DISP3: variants seen among roughly 807,000 people sequenced by gnomAD.
The protein encoded by DISP3 is dispatched RND transporter family member 3, also known as protein dispatched homolog 3.
DISP3 carries 101 observed loss-of-function variants against 135.3 expected under a neutral mutation model. The observed-to-expected ratio is 0.75, with a 90% CI of 0.64 to 0.88. DISP3 has a LOEUF of 0.88. DISP3 is among the 40% of genes least tolerant of loss of function. The pLI, the probability that DISP3 is intolerant of heterozygous loss-of-function variation, is 0.00. For synonymous variants in DISP3, 856 were observed against 817.0 expected, an observed-to-expected ratio of 1.05 and a Z score of -0.81; for missense variants, 1,713 against 1,878.6, an observed-to-expected ratio of 0.91 and a Z score of 1.63.
intron 1 of DISP3, among the ~76,000 whole-genome samples, chr1:11,488,446 A>G (rs1641096150): frequency 6.6e-6 from 1 of 152,162 alleles, no homozygotes. Flanking sequence ...GTCACTCACC[A>G]AGGGAGCCAG....
At position 11,499,999 on chromosome 1, in the gene DISP3, G is replaced by A. The variant is rs533704370; in HGVS notation, c.-3-991G>A. 9.8e-5 allele frequency among the ~76,000 whole-genome samples: 15 copies of A among 152,360 alleles called. No homozygotes were observed. The East Asian group carries it at 1.5e-3, about 16-fold the overall frequency. ...CAGGACAAAGGGGATAGGCCATGCC[G>A]GGGATGCCGGAAAGCCTCCTCTCTT... On this transcript the variant is annotated intron_variant, in intron 1 of 20. Transcript: ENST00000294484. This position sits in a 1 kb window ranked among gnomAD's most constrained non-coding sequence, Gnocchi z 5.2.
In DISP3 at chr1:11,501,708, A is replaced by G; in HGVS notation, c.716A>G (p.His239Arg). The change falls in exon 2 of 21, where the codon CAC becomes CGC. Residue 239 changes from histidine to arginine, a missense_variant. Coordinates refer to ENST00000294484, the MANE Select transcript of DISP3 (RefSeq NM_020780.2). The surrounding 1 kb of genome is among the most constrained non-coding windows in gnomAD (Gnocchi z 4.9). Reference protein sequence around the residue: ...NGRYQPSIPPHAAVAANQSRA... With the variant: ...NGRYQPSIPPRAAVAANQSRA... Reference sequence around the variant, plus strand: ...CGGTACCAGCCCAGCATCCCGCCCCACGCGGCAGTCGCGGCCAATCAGAGC... The same window carrying G: ...CGGTACCAGCCCAGCATCCCGCCCCGCGCGGCAGTCGCGGCCAATCAGAGC... 1.2e-6 allele frequency: 2 copies of G among 1,600,452 alleles called. No homozygotes were observed. The highest frequency in any genetic ancestry group is 2.2e-5 in the South Asian group (2 of 89,710).
At chr1:11,500,177 G>A (rs1214513024) in intron 1 of DISP3, among the ~76,000 whole-genome samples, 3 of 152,224 alleles carry the variant, frequency 2.0e-5, no homozygotes, top group East Asian at 1.9e-4. Flanking sequence ...TAAGTGGCCC[G>A]AGCCTGACAA....
chr1:11,499,751 T>C lies in DISP3; in HGVS notation c.-3-1239T>C, dbSNP rs955254146. 1.3e-5 allele frequency among the ~76,000 whole-genome samples: 2 copies of C among 152,304 alleles called. No individual in the cohort carries two copies. The highest frequency in any genetic ancestry group is 2.9e-5 in the Non-Finnish European group (2 of 68,014). ...TCGGTCTCTCTCCTCTTTTCCTCTG[T>C]CTCTGTCTCTGTTTCCCTCCTTCCG... is the stretch of plus-strand genomic sequence containing the variant. On this transcript the variant is annotated intron_variant, in intron 1 of 20. Coordinates refer to ENST00000294484, the MANE Select transcript of DISP3 (RefSeq NM_020780.2). The surrounding 1 kb of genome is among the most constrained non-coding windows in gnomAD (Gnocchi z 5.2).
In DISP3 at chr1:11,519,692, T is replaced by G; in HGVS notation, c.2039-27T>G. The G allele has an allele frequency of 1.2e-6, 2 of 1,605,326 alleles. No individual in the cohort carries two copies. Among genetic ancestry groups the G allele is most frequent in the Non-Finnish European group, 1.7e-6 (2 of 1,175,268 alleles). Reference sequence around the variant, plus strand: ...CCACAGTGGGCTTTGATTCAGGCTCTGACGGGCCACTGCTCTGCCCTGGCA... The same window carrying G: ...CCACAGTGGGCTTTGATTCAGGCTCGGACGGGCCACTGCTCTGCCCTGGCA... On this transcript the variant is annotated intron_variant, in intron 8 of 20. Coordinates refer to ENST00000294484, the MANE Select transcript of DISP3 (RefSeq NM_020780.2). This position sits in a 1 kb window ranked among gnomAD's most constrained non-coding sequence, Gnocchi z 4.3.
chr1:11,519,906 C>G lies in DISP3; in HGVS notation c.2200+26C>G, dbSNP rs758252646. The G allele has an allele frequency of 1.3e-5, 21 of 1,586,672 alleles. No homozygotes were observed. In the East Asian group the frequency reaches 4.5e-4, roughly 34 times the overall value. The stretch of plus-strand genomic sequence containing the variant: ...GTAAGTGGGCCCTCCGGCCCTGCCC[C>G]CTGTCTCACAGCTCCACCCCCAAAA... On this transcript the variant is annotated intron_variant, in intron 9 of 20. Transcript: ENST00000294484. The surrounding 1 kb of genome is among the most constrained non-coding windows in gnomAD (Gnocchi z 4.3).
At chr1:11,513,023 C>G (rs1248098128) in intron 3 of DISP3, among the ~76,000 whole-genome samples, 2 of 152,086 alleles carry the variant, frequency 1.3e-5, no homozygotes, top group African/African-American at 4.8e-5. Context: ...CAATTACCTC[C>G]CCCTGGGTCC....
At position 11,536,249 on chromosome 1, in the gene DISP3, G is replaced by T. The variant is rs771927381; in HGVS notation, c.3817-75G>T. 41 of 1,518,990 alleles carry T rather than the reference G, an allele frequency of 2.7e-5. No homozygotes were observed. Among genetic ancestry groups the T allele is most frequent in the Admixed American group, 2.5e-4 (13 of 51,658 alleles). The allele number at this position is 1,518,990 out of a possible 1,614,324, so 94.1% of individuals were successfully genotyped here. A position where few individuals can be genotyped will look rare whatever the true frequency, so the allele number is the denominator to read the frequency against. The stretch of plus-strand genomic sequence containing the variant: ...AGCAGGAACCTGGCGTGGGGTGGGG[G>T]TGCGTGATTCCCCAGGTGCTGGCCA... On this transcript the variant is annotated intron_variant, in intron 20 of 20. Transcript: ENST00000294484. The surrounding 1 kb of genome is among the most constrained non-coding windows in gnomAD (Gnocchi z 4.3).
intron 3 of DISP3, among the ~76,000 whole-genome samples, chr1:11,507,433 T>TGAAA (rs1641737238): frequency 6.6e-6 from 1 of 152,236 alleles, no homozygotes; most frequent in African/African-American, 2.4e-5. Context: ...CGAGGCTTTC[T>TGAAA]GCTTAGGTTT....
At chr1:11,525,405 A>G (rs1001153619) in intron 12 of DISP3, 93 bp downstream of exon 12, 62 of 1,411,028 alleles carry the variant, frequency 4.4e-5, no homozygotes, top group Non-Finnish European at 2.2e-5. Context: ...GCCAATAGGG[A>G]GGGAGAAGCA....
At chr1:11,534,678 G>A in intron 18 of DISP3, 138 bp downstream of exon 18, 1 of 1,199,238 alleles carries the variant, frequency 8.3e-7, no homozygotes, top group Non-Finnish European at 1.1e-6. Context: ...ACGGTGGCTG[G>A]GACATTGATC....
Position 11,515,354 on chromosome 1 carries a change from T to C in DISP3, c.1454-15T>C, listed in dbSNP as rs745879022. The C allele has an allele frequency of 2.5e-6, 4 of 1,614,158 alleles. No homozygotes were observed. The highest frequency in any genetic ancestry group is 1.7e-5 in the Admixed American group (1 of 60,018). The stretch of plus-strand genomic sequence containing the variant: ...GGTCCCCCCACCGTCTCCCTGTGTC[T>C]CTTACCCTGCCCAGTGTTCCTGTCC... On this transcript the variant is annotated splice_polypyrimidine_tract_variant and intron_variant, in intron 4 of 20. Transcript: ENST00000294484.
At position 11,529,641 on chromosome 1, in the gene DISP3, C is replaced by T. The variant is rs777186802; in HGVS notation, c.2884C>T (p.Pro962Ser). The T allele has an allele frequency of 2.5e-6, 4 of 1,609,278 alleles. No individual in the cohort carries two copies. Among genetic ancestry groups the T allele is most frequent in the Non-Finnish European group, 3.4e-6 (4 of 1,176,294 alleles). The part of the protein sequence containing the change: ...APPGCLLSSS[P>S]DGPTKGFFFV... ...CCCTGGCTGCCTGCTTAGCTCCAGCCCCGATGGGCCTACCAAAGGCTTCTT... is the reference window on the plus strand; with the variant it reads ...CCCTGGCTGCCTGCTTAGCTCCAGCTCCGATGGGCCTACCAAAGGCTTCTT... Residue 962 changes from proline (P) to serine (S), a missense_variant, in exon 14 of 21, where the codon CCC becomes TCC. Pro to Ser is a moderately conservative substitution (Grantham distance 74, BLOSUM62 -1). This residue lies in a region of DISP3 where 1,142 missense variants were observed against 1,384.6 expected (regional missense o/e 0.82). Coordinates refer to ENST00000294484, the MANE Select transcript of DISP3 (RefSeq NM_020780.2). This position sits in a 1 kb window ranked among gnomAD's most constrained non-coding sequence, Gnocchi z 4.7.
rs1297835758 is a variant in DISP3 at position 11,533,275 on chromosome 1, TA to T, written c.3376-1104del. On this transcript the variant is annotated intron_variant, in intron 17 of 20. Transcript: ENST00000294484. ...TTTCTTTTTTTTTTTTTTTTTTTTT[TA>T]ATGGAGTTTCACTCTGTCACCCAGG... 2.0e-4 allele frequency among the ~76,000 whole-genome samples: 29 copies of T among 146,444 alleles called. No individual in the cohort carries two copies. In the East Asian group the frequency reaches 5.0e-3, roughly 25 times the overall value.
At chr1:11,522,761 ACCCAGCCAGGACCCAGCCAGGG>A (rs1642264855) in intron 10 of DISP3, among the ~76,000 whole-genome samples, 22 of 15,630 alleles carry the variant, frequency 1.4e-3, no homozygotes, top group African/African-American at 4.7e-3. Flanking sequence ...CCCAGCCAGG[ACCCAGCCAGGACCCAGCCAGGG>A]CCCAGCCAGA....
intron 3 of DISP3, among the ~76,000 whole-genome samples, chr1:11,504,677 C>T (rs1428330981): frequency 6.6e-6 from 1 of 152,178 alleles, no homozygotes. Context: ...TGTTATAAAG[C>T]GAGGTTCCTC....
At chr1:11,482,871 A>T (rs1640939741) in intron 1 of DISP3, among the ~76,000 whole-genome samples, 1 of 152,156 alleles carries the variant, frequency 6.6e-6, no homozygotes, top group Non-Finnish European at 1.5e-5. Flanking sequence ...TTGCCAAAGG[A>T]GCTGGGAGAG....
intron 1 of DISP3, among the ~76,000 whole-genome samples, chr1:11,498,340 G>A (rs993600442): frequency 2.0e-5 from 3 of 151,808 alleles, no homozygotes; most frequent in Non-Finnish European, 2.9e-5. Context: ...CAGCAGCGTC[G>A]CTCACATGCT....
Position 11,536,183 on chromosome 1 carries a change from C to A in DISP3, c.3817-141C>A. On this transcript the variant is annotated intron_variant, in intron 20 of 20. Coordinates refer to ENST00000294484, the MANE Select transcript of DISP3 (RefSeq NM_020780.2). The surrounding 1 kb of genome is among the most constrained non-coding windows in gnomAD (Gnocchi z 4.3). ...AACACCTACCTGGTTCCTACCCTCC[C>A]AACCCTGGGAGGCCACTTGCAGCTC... 1 of 1,285,702 alleles carries A rather than the reference C, an allele frequency of 7.8e-7. No individual in the cohort carries two copies. Among genetic ancestry groups the A allele is most frequent in the African/African-American group, 1.5e-5 (1 of 66,564 alleles). 79.6% of individuals were successfully genotyped at this position (1,285,702 alleles called of 1,614,324 possible).
Sources: allele counts gnomAD v4.1 joint callset (sites outside exome capture counted in the v4.1 genomes callset), GRCh38; gene constraint gnomAD v4.1.1; regional missense constraint gnomAD v4.1.1; non-coding constraint Gnocchi (gnomAD v3.1); transcripts MANE v1.5; gene names NCBI Gene and HGNC (gene_info 2026-07-23, HGNC 2026-07-21).